SESTD1: variants seen among roughly 807,000 people sequenced by gnomAD.
The protein encoded by SESTD1 is SEC14 and spectrin domain containing 1, also known as SEC14 domain and spectrin repeat-containing protein 1.
Under a neutral mutation model 101.7 loss-of-function variants are expected in SESTD1, and 43 were observed. That is an observed-to-expected ratio of 0.42 (90% confidence interval 0.33 to 0.55). The LOEUF (loss-of-function observed/expected upper bound fraction) is 0.55, where lower values mean the gene tolerates loss of function less well. Ranked by LOEUF, SESTD1 falls within the 20% of genes least tolerant of loss-of-function variation. SESTD1 has a pLI of 0.07. For missense variants in SESTD1, 647 were observed against 815.1 expected, an observed-to-expected ratio of 0.79 and a Z score of 2.51; for synonymous variants, 283 against 286.8, an observed-to-expected ratio of 0.99 and a Z score of 0.13.
intron 1 of SESTD1, among the ~76,000 whole-genome samples, chr2:179,199,298 T>C (rs1279671910): frequency 6.6e-6 from 1 of 152,060 alleles, no homozygotes; most frequent in Non-Finnish European, 1.5e-5. Context: ...GGATCTGAAA[T>C]TGTGGCAATA....
intron 9 of SESTD1, among the ~76,000 whole-genome samples, chr2:179,135,032 C>T (rs2105431507): frequency 6.6e-6 from 1 of 152,244 alleles, no homozygotes; most frequent in East Asian, 1.9e-4. Flanking sequence ...GCAACCTCTG[C>T]CTCCCAGGTT....
intron 2 of SESTD1, 95 bp downstream of exon 2, chr2:179,191,692 T>G (rs950021081): frequency 1.9e-6 from 2 of 1,030,894 alleles, no homozygotes; most frequent in Admixed American, 4.8e-5. Flanking sequence ...AACAAAACTT[T>G]CATTAAAAAA....
chr2:179,200,817 C>A (rs1468236864), intron 1 of SESTD1, among the ~76,000 whole-genome samples: 1 of 134,664 alleles, frequency 7.4e-6, no homozygotes, highest in Non-Finnish European at 1.6e-5. Context: ...ACCATAAAAA[C>A]CCTAGAAGAA....
Position 179,115,275 on chromosome 2 carries a change from CAT to C in SESTD1, c.1648-21_1648-20del, listed in dbSNP as rs776977282. ...AAGTGCTCTAAAAAAGAAAAGGAAA[CAT>C]AAAATTGTAATAAAAGAATTCTTAA... On this transcript the variant is annotated intron_variant, in intron 15 of 17. Transcript: ENST00000428443. 1.4e-5 allele frequency: 22 copies of C among 1,545,086 alleles called. No homozygotes were observed. The highest frequency in any genetic ancestry group is 4.6e-5 in the East Asian group (2 of 43,322).
intron 7 of SESTD1, among the ~76,000 whole-genome samples, chr2:179,148,932 C>T (rs1300131077): frequency 6.6e-6 from 1 of 151,538 alleles, no homozygotes; most frequent in Non-Finnish European, 1.5e-5. Flanking sequence ...AGGTGGCGGG[C>T]GCCTGTAGTC....
At chr2:179,230,534 A>G (rs369134457) in intron 1 of SESTD1, among the ~76,000 whole-genome samples, 1 of 152,146 alleles carries the variant, frequency 6.6e-6, no homozygotes, top group Non-Finnish European at 1.5e-5. Context: ...AAATAAATAA[A>G]TAAGAGAAAA....
chr2:179,117,545 T>G lies in SESTD1; in HGVS notation c.1511A>C (p.Glu504Ala). Residue 504 changes from glutamate (E) to alanine (A), a missense_variant, in exon 14 of 18, where the codon GAA (glutamate) becomes GCA (alanine). This residue lies in a region of SESTD1 where 476 missense variants were observed against 562.6 expected (regional missense o/e 0.85). Transcript: ENST00000428443. ...ACTGCTCCTTACCTGGGCAGCATCT[T>G]CTTCACATTTAAACAACTGCACCAT... The part of the protein sequence containing the change: ...LQMVQLFKCE[E>A]DAAQAVEWLS... 6.3e-7 allele frequency: 1 copy of G among 1,577,704 alleles called. No individual in the cohort carries two copies.
chr2:179,199,131 C>T lies in SESTD1; in HGVS notation c.-25-7265G>A, dbSNP rs550171516. ...AAAATGATAAAGGGGAAATCACCAC[C>T]GATCCCACAGAAATACAAACTACCA... is the stretch of plus-strand genomic sequence containing the variant. On this transcript the variant is annotated intron_variant, in intron 1 of 17. Transcript: ENST00000428443. 2.6e-4 allele frequency among the ~76,000 whole-genome samples: 40 copies of T among 152,040 alleles called. 1 individual carries two copies. Among genetic ancestry groups the T allele is most frequent in the African/African-American group, 9.4e-4 (39 of 41,478 alleles).
chr2:179,134,007 ATAT>A (rs967852121), intron 9 of SESTD1, among the ~76,000 whole-genome samples: 1 of 152,236 alleles, frequency 6.6e-6, no homozygotes, highest in Non-Finnish European at 1.5e-5. Flanking sequence ...ATTGTAGTAG[ATAT>A]TATAAGTAAT....
Position 179,203,740 on chromosome 2 carries a change from A to G in SESTD1, c.-25-11874T>C, listed in dbSNP as rs898359946. On this transcript the variant is annotated intron_variant, in intron 1 of 17. Coordinates refer to ENST00000428443, the MANE Select transcript of SESTD1 (RefSeq NM_178123.5). ...GAAGTGTGGGTAACCTGCGGACCCA[A>G]TACTTGTGCCTGGCATCTAAAGAGA... is the stretch of plus-strand genomic sequence containing the variant. 5.2e-5 allele frequency among the ~76,000 whole-genome samples: 7 copies of G among 133,712 alleles called. 1 individual carries two copies. Among genetic ancestry groups the G allele is most frequent in the Non-Finnish European group, 8.0e-5 (5 of 62,522 alleles). The allele number at this position is 133,712 out of a possible 152,430, so 87.7% of individuals were successfully genotyped here. A position where few individuals can be genotyped will look rare whatever the true frequency, so the allele number is the denominator to read the frequency against.
At chr2:179,196,081 G>A (rs768343594) in intron 1 of SESTD1, among the ~76,000 whole-genome samples, 23 of 152,166 alleles carry the variant, frequency 1.5e-4, no homozygotes, top group African/African-American at 5.1e-4. Context: ...GACAGTGGGC[G>A]CAGGTCAGTG....
At chr2:179,200,948 T>C (rs2046501598) in intron 1 of SESTD1, among the ~76,000 whole-genome samples, 1 of 134,232 alleles carries the variant, frequency 7.4e-6, no homozygotes, top group African/African-American at 3.0e-5. Flanking sequence ...CAAGAGCTTC[T>C]GCACAGCAAA....
At chr2:179,195,632 A>G (rs1019410965) in intron 1 of SESTD1, among the ~76,000 whole-genome samples, 3 of 152,260 alleles carry the variant, frequency 2.0e-5, no homozygotes, top group African/African-American at 7.2e-5. Context: ...TAACTTCTAC[A>G]GTATGTAAAT....
intron 1 of SESTD1, among the ~76,000 whole-genome samples, chr2:179,197,424 G>A (rs1355451780): frequency 6.6e-6 from 1 of 152,060 alleles, no homozygotes; most frequent in Non-Finnish European, 1.5e-5. Flanking sequence ...ATCTAGCAAG[G>A]CAGGCCAACA....
intron 1 of SESTD1, among the ~76,000 whole-genome samples, chr2:179,211,077 C>CAA (rs772747731): frequency 9.1e-6 from 1 of 109,790 alleles, no homozygotes; most frequent in Non-Finnish European, 1.9e-5. Context: ...ACAACAGCTG[C>CAA]AAAAAAAAAA....
chr2:179,185,774 T>TATTATATATA (rs1387859791), intron 2 of SESTD1, among the ~76,000 whole-genome samples: 107 of 127,798 alleles, frequency 8.4e-4, no homozygotes, highest in African/African-American at 3.1e-3. Context: ...TAATATAGCA[T>TATTATATATA]ATACAATATA....
At chr2:179,230,817 C>G (rs1354265256) in intron 1 of SESTD1, among the ~76,000 whole-genome samples, 1 of 151,902 alleles carries the variant, frequency 6.6e-6, no homozygotes, top group Non-Finnish European at 1.5e-5. Context: ...TCTGATTCTA[C>G]ATATTAAGAG....
chr2:179,236,090 T>C (rs1428573996), intron 1 of SESTD1, among the ~76,000 whole-genome samples: 1 of 152,144 alleles, frequency 6.6e-6, no homozygotes, highest in Non-Finnish European at 1.5e-5. Context: ...TCATTCATCA[T>C]TATCCATCTC....
chr2:179,148,057 T>G (rs1215541111), intron 7 of SESTD1, among the ~76,000 whole-genome samples: 1 of 152,252 alleles, frequency 6.6e-6, no homozygotes, highest in Non-Finnish European at 1.5e-5. Flanking sequence ...CATTCCTAAC[T>G]GCTTGTGACT....
Sources: gnomAD v4.1 joint callset for allele counts (sites outside exome capture counted in the v4.1 genomes callset) on GRCh38, gnomAD v4.1.1 for gene constraint, gnomAD v4.1.1 regional missense constraint, MANE v1.5 for transcripts, NCBI Gene and HGNC (gene_info 2026-07-23, HGNC 2026-07-21) for gene names.